Variants in PTPN1 observed in about 807,000 individuals in gnomAD.
PTPN1 encodes tyrosine-protein phosphatase non-receptor type 1.
PTPN1 carries 12 observed loss-of-function variants against 59.9 expected under a neutral mutation model. The observed-to-expected ratio is 0.20, with a 90% CI of 0.13 to 0.32. PTPN1 has a LOEUF of 0.32. Ranked by LOEUF, PTPN1 falls within the 10% of genes least tolerant of loss-of-function variation. The pLI is 1.00. For synonymous variants in PTPN1, 178 were observed against 203.6 expected (o/e 0.87, Z 1.07); for missense variants, 356 against 549.2 (o/e 0.65, Z 3.52).
chr20:50,517,310 A>G (rs1431610520), intron 1 of PTPN1, among the ~76,000 whole-genome samples: 2 of 152,166 alleles, frequency 1.3e-5, no homozygotes, highest in African/African-American at 4.8e-5. Flanking sequence ...GCTGGAGTGC[A>G]GTGGCACAAT....
intron 1 of PTPN1, among the ~76,000 whole-genome samples, chr20:50,530,328 G>A (rs999010735): frequency 6.6e-6 from 1 of 152,006 alleles, no homozygotes; most frequent in Non-Finnish European, 1.5e-5. Context: ...ATGACTTGGA[G>A]CAAAGATTGC....
intron 1 of PTPN1, among the ~76,000 whole-genome samples, chr20:50,521,192 A>G (rs1331760531): frequency 1.3e-5 from 2 of 152,242 alleles, no homozygotes; most frequent in Non-Finnish European, 2.9e-5. Context: ...ACATGGATGA[A>G]TGTAGTTCCT....
Position 50,562,642 on chromosome 20 carries a change from C to T in PTPN1, c.154+1189C>T, listed in dbSNP as rs561338521. Among the ~76,000 whole-genome samples, 4 of 152,358 alleles carry T rather than the reference C, an allele frequency of 2.6e-5. No homozygotes were observed. The South Asian group carries it at 8.3e-4, about 32-fold the overall frequency. ...GGTTGTCACCAACATCTGAAGTGCACTTCTAGGTCATCAGGTGACATGATT... is the reference window on the plus strand; with the variant it reads ...GGTTGTCACCAACATCTGAAGTGCATTTCTAGGTCATCAGGTGACATGATT... On this transcript the variant is annotated intron_variant, in intron 2 of 9. Coordinates refer to ENST00000371621, the MANE Select transcript of PTPN1 (RefSeq NM_002827.4).
Position 50,581,443 on chromosome 20 carries a change from G to C in PTPN1, c.1267G>C (p.Ala423Pro), listed in dbSNP as rs367996563. 1 of 1,610,850 alleles carries C rather than the reference G, an allele frequency of 6.2e-7. No individual in the cohort carries two copies. Among genetic ancestry groups the C allele is most frequent in the Non-Finnish European group, 8.5e-7 (1 of 1,177,364 alleles). ...MCVATVLTAG[A>P]YLCYRFLFNS... ...CGTGGCTACGGTCCTCACGGCCGGCGCTTACCTCTGCTACAGGGTATGTTT... is the reference window on the plus strand; with the variant it reads ...CGTGGCTACGGTCCTCACGGCCGGCCCTTACCTCTGCTACAGGGTATGTTT... Residue 423 changes from alanine to proline, a missense_variant, in exon 9 of 10, where the codon GCT becomes CCT. Ala to Pro is a conservative substitution (Grantham distance 27). Coordinates refer to ENST00000371621, the MANE Select transcript of PTPN1 (RefSeq NM_002827.4).
In PTPN1 at chr20:50,584,713, G is replaced by A. The variant is rs2082890301; in HGVS notation, c.*1998G>A. ...TTTTCCAACTTGCCATATTCATGAT[G>A]GGTTTGCATTTTAGCTGCAACAATA... On this transcript the variant is annotated 3_prime_UTR_variant, in exon 10 of 10. Coordinates refer to ENST00000371621, the MANE Select transcript of PTPN1 (RefSeq NM_002827.4). 2.0e-5 allele frequency: 3 copies of A among 152,036 alleles called. No individual in the cohort carries two copies. In the South Asian group the frequency reaches 6.2e-4, roughly 32 times the overall value. 9.4% of individuals were successfully genotyped at this position (152,036 alleles called of 1,614,324 possible).
rs1402435597 is a variant in PTPN1 at position 50,583,012 on chromosome 20, G to T, written c.*297G>T. ...AGGGAAGGGGCCTACACCCGTCTTGGGGCTCGCCCCACCCAGGGCTCCCTC... is the reference window on the plus strand; with the variant it reads ...AGGGAAGGGGCCTACACCCGTCTTGTGGCTCGCCCCACCCAGGGCTCCCTC... On this transcript the variant is annotated 3_prime_UTR_variant, in exon 10 of 10. Transcript: ENST00000371621. 5 of 445,940 alleles carry T rather than the reference G, an allele frequency of 1.1e-5. No homozygotes were observed. Among genetic ancestry groups the T allele is most frequent in the Non-Finnish European group, 2.0e-5 (5 of 246,242 alleles). The allele number at this position is 445,940 out of a possible 1,614,324, so 27.6% of individuals were successfully genotyped here.
In PTPN1 at chr20:50,561,369, C is replaced by A. The variant is rs1443524226; in HGVS notation, c.70C>A (p.Arg24=). ...TCTTTATTCTTTTTTGTAGGATATC[C>A]GACATGAAGCCAGTGACTTCCCATG... The part of the protein sequence containing the change: ...GSWAAIYQDI[R]HEASDFPCRV... Residue 24 remains arginine, a synonymous_variant, in exon 2 of 10, where the codon CGA becomes AGA. Transcript: ENST00000371621. The A allele has an allele frequency of 2.5e-6, 4 of 1,608,336 alleles. No homozygotes were observed. Among genetic ancestry groups the A allele is most frequent in the Non-Finnish European group, 3.4e-6 (4 of 1,177,158 alleles).
chr20:50,567,793 G>A (rs1454003269), intron 3 of PTPN1, among the ~76,000 whole-genome samples: 1 of 152,198 alleles, frequency 6.6e-6, no homozygotes, highest in African/African-American at 2.4e-5. Flanking sequence ...GCTGATGGTA[G>A]GAATAGTTGC....
chr20:50,540,114 G>A (rs1448034180), intron 1 of PTPN1, among the ~76,000 whole-genome samples: 1 of 152,082 alleles, frequency 6.6e-6, no homozygotes, highest in Non-Finnish European at 1.5e-5. Flanking sequence ...GGAGTGCAAT[G>A]GCGTGATCTC....
rs73908783 is a variant in PTPN1 at position 50,568,297 on chromosome 20, C to T, written c.256-83C>T. ...AAGCTGTGGGGACTGAGGGCGCTGT[C>T]GTTAGCTGACTGCAGAAGGTGAGCA... On this transcript the variant is annotated intron_variant, in intron 3 of 9. Coordinates refer to ENST00000371621, the MANE Select transcript of PTPN1 (RefSeq NM_002827.4). This position sits in a 1 kb window ranked among gnomAD's most constrained non-coding sequence, Gnocchi z 5.6. 5.4e-3 allele frequency: 6,794 copies of T among 1,266,040 alleles called. 230 individuals carry two copies. In the African/African-American group the frequency reaches 0.079, roughly 15 times the overall value. The allele number at this position is 1,266,040 out of a possible 1,614,324, so 78.4% of individuals were successfully genotyped here.
chr20:50,528,416 A>G (rs1185378388), intron 1 of PTPN1, among the ~76,000 whole-genome samples: 1 of 152,158 alleles, frequency 6.6e-6, no homozygotes, highest in Admixed American at 6.5e-5. Context: ...TTTGGCATAT[A>G]GAAAATACCC....
At chr20:50,523,604 A>C (rs1215791215) in intron 1 of PTPN1, among the ~76,000 whole-genome samples, 2 of 152,222 alleles carry the variant, frequency 1.3e-5, no homozygotes, top group Non-Finnish European at 2.9e-5. Flanking sequence ...GCTACTAGGT[A>C]CCAGGCTCTG....
chr20:50,520,420 C>T (rs2082546149), intron 1 of PTPN1, among the ~76,000 whole-genome samples: 1 of 151,508 alleles, frequency 6.6e-6, no homozygotes, highest in African/African-American at 2.4e-5. Context: ...GACACTTCTA[C>T]TTTTCCAGCA....
At chr20:50,545,202 T>A (rs1289422917) in intron 1 of PTPN1, among the ~76,000 whole-genome samples, 1 of 152,166 alleles carries the variant, frequency 6.6e-6, no homozygotes. Context: ...GTGATCCTTC[T>A]ACGTCAGCCC....
intron 2 of PTPN1, among the ~76,000 whole-genome samples, chr20:50,562,671 G>A (rs999706136): frequency 9.8e-5 from 15 of 152,302 alleles, no homozygotes; most frequent in South Asian, 8.3e-4. Flanking sequence ...CATGATTGGC[G>A]CCAACACATG....
At chr20:50,517,728 T>G (rs985033619) in intron 1 of PTPN1, among the ~76,000 whole-genome samples, 6 of 152,312 alleles carry the variant, frequency 3.9e-5, no homozygotes, top group Admixed American at 2.0e-4. Context: ...AAGGGACACT[T>G]AAGGTCTGCA....
intron 4 of PTPN1, among the ~76,000 whole-genome samples, chr20:50,569,737 A>G (rs957100453): frequency 1.3e-5 from 2 of 152,024 alleles, no homozygotes; most frequent in Non-Finnish European, 2.9e-5. Context: ...TCGTGTATAG[A>G]CTGTCCTGTG....
Position 50,582,682 on chromosome 20 carries a change from T to C in PTPN1, c.1285-10T>C. On this transcript the variant is annotated splice_polypyrimidine_tract_variant and intron_variant, in intron 9 of 9. Transcript: ENST00000371621. This position sits in a 1 kb window ranked among gnomAD's most constrained non-coding sequence, Gnocchi z 4.2. Reference sequence around the variant, plus strand: ...TCTGGGCTCATCTGAACTGTTTGGTTTCATTCCAGTTCCTGTTCAACAGCA... The same window carrying C: ...TCTGGGCTCATCTGAACTGTTTGGTCTCATTCCAGTTCCTGTTCAACAGCA... 3 of 1,613,574 alleles carry C rather than the reference T, an allele frequency of 1.9e-6. No homozygotes were observed. Among genetic ancestry groups the C allele is most frequent in the Non-Finnish European group, 2.5e-6 (3 of 1,179,836 alleles).
At chr20:50,557,543 A>G (rs532572036) in intron 1 of PTPN1, 2 of 152,354 alleles carry the variant, frequency 1.3e-5, no homozygotes, top group Non-Finnish European at 2.9e-5. Flanking sequence ...TGGTTAAATC[A>G]GTACTCATTG....
Sources: allele counts gnomAD v4.1 joint callset (sites outside exome capture counted in the v4.1 genomes callset), GRCh38; gene constraint gnomAD v4.1.1; non-coding constraint Gnocchi (gnomAD v3.1); transcripts MANE v1.5; gene names NCBI Gene and HGNC (gene_info 2026-07-23, HGNC 2026-07-21).